CHSY3: variants seen among roughly 807,000 people sequenced by gnomAD.
The protein encoded by CHSY3 is chondroitin sulfate synthase 3.
CHSY3 carries 35 observed loss-of-function variants against 67.2 expected under a neutral mutation model. That is an observed-to-expected ratio of 0.52 (90% CI 0.40 to 0.69). The LOEUF is 0.69. Ranked by LOEUF, CHSY3 falls within the 30% of genes least tolerant of loss-of-function variation. The probability of loss-of-function intolerance (pLI) is 0.00; values close to 1 mark genes in which losing one functional copy is unlikely to be tolerated. For synonymous variants in CHSY3, 474 were observed against 434.7 expected (o/e 1.09, Z -1.12); for missense variants, 1,069 against 1,138.5 (o/e 0.94, Z 0.88).
At chr5:129,936,877 A>C (rs1761509948) in intron 2 of CHSY3, among the ~76,000 whole-genome samples, 1 of 152,150 alleles carries the variant, frequency 6.6e-6, no homozygotes, top group African/African-American at 2.4e-5. Context: ...CTTTTCTGAC[A>C]CTGTGGTGCT....
intron 2 of CHSY3, among the ~76,000 whole-genome samples, chr5:129,951,604 T>C (rs1004190633): frequency 2.0e-5 from 3 of 152,160 alleles, no homozygotes; most frequent in Non-Finnish European, 4.4e-5. Flanking sequence ...ATTCTGCCTG[T>C]AAAATCACAT....
chr5:130,039,335 A>T (rs1010751144), intron 2 of CHSY3, among the ~76,000 whole-genome samples: 5 of 151,906 alleles, frequency 3.3e-5, no homozygotes, highest in African/African-American at 1.2e-4. Context: ...AAAAATAAGA[A>T]TAAAAATGTA....
intron 2 of CHSY3, among the ~76,000 whole-genome samples, chr5:130,093,933 A>T (rs1172451291): frequency 6.6e-6 from 1 of 152,132 alleles, no homozygotes; most frequent in Non-Finnish European, 1.5e-5. Context: ...TTCTCTTAAC[A>T]TTCTGGTGAT....
At chr5:129,991,368 G>A (rs1195825532) in intron 2 of CHSY3, among the ~76,000 whole-genome samples, 1 of 152,120 alleles carries the variant, frequency 6.6e-6, no homozygotes, top group Non-Finnish European at 1.5e-5. Flanking sequence ...GGAAATGAGA[G>A]TGAAGATATA....
intron 2 of CHSY3, among the ~76,000 whole-genome samples, chr5:130,058,302 A>T (rs754971498): frequency 6.6e-6 from 1 of 152,202 alleles, no homozygotes; most frequent in Admixed American, 6.5e-5. Flanking sequence ...ACAAGGAAAG[A>T]TGATATCATA....
chr5:130,013,787 C>T (rs1461089320), intron 2 of CHSY3, among the ~76,000 whole-genome samples: 2 of 152,156 alleles, frequency 1.3e-5, no homozygotes, highest in African/African-American at 2.4e-5. Context: ...AGATGTTTTC[C>T]CCATTGTCTT....
At chr5:130,065,368 C>T (rs1162070122) in intron 2 of CHSY3, among the ~76,000 whole-genome samples, 2 of 144,900 alleles carry the variant, frequency 1.4e-5, no homozygotes, top group African/African-American at 2.5e-5. Context: ...AAATTAAAAA[C>T]AAAACAAAAC....
rs1760173687 is a variant in CHSY3, at chr5:129,904,819, G to A, written c.-11G>A. The A allele has an allele frequency of 7.1e-7, 1 of 1,398,682 alleles. No individual in the cohort carries two copies. Among genetic ancestry groups the A allele is most frequent in the Non-Finnish European group, 9.3e-7 (1 of 1,074,098 alleles). The allele number at this position is 1,398,682 out of a possible 1,614,324, so 86.6% of individuals were successfully genotyped here. A position where few individuals can be genotyped will look rare whatever the true frequency, so the allele number is the denominator to read the frequency against. The stretch of plus-strand genomic sequence containing the variant: ...ACAGCCCAGCGAGCGTCCGCGCCCG[G>A]GACAGCCGCGATGGCTGTGCGCTCT... On this transcript the variant is annotated 5_prime_UTR_variant, in exon 1 of 3. Coordinates refer to ENST00000305031, the MANE Select transcript of CHSY3 (RefSeq NM_175856.5).
intron 2 of CHSY3, among the ~76,000 whole-genome samples, chr5:129,994,997 T>G (rs1241125359): frequency 1.3e-5 from 2 of 152,052 alleles, no homozygotes; most frequent in African/African-American, 4.8e-5. Context: ...TGTATACCTA[T>G]GTAACTAACC....
intron 2 of CHSY3, chr5:130,001,441 T>G (rs778041217): frequency 4.5e-5 from 39 of 867,262 alleles, no homozygotes; most frequent in Non-Finnish European, 5.4e-5. Flanking sequence ...GATGAAGGTA[T>G]CACCATGGAC....
At chr5:130,148,454 CT>C (rs1198121317) in intron 2 of CHSY3, among the ~76,000 whole-genome samples, 1 of 152,138 alleles carries the variant, frequency 6.6e-6, no homozygotes, top group Admixed American at 6.5e-5. Flanking sequence ...GCTTTCAGGT[CT>C]CTGATGAATC....
chr5:130,034,732 C>G (rs1446930616), intron 2 of CHSY3, among the ~76,000 whole-genome samples: 2 of 152,036 alleles, frequency 1.3e-5, no homozygotes, highest in South Asian at 2.1e-4. Context: ...ACAGGGAGCA[C>G]TGATGTGATG....
intron 2 of CHSY3, among the ~76,000 whole-genome samples, chr5:130,173,030 A>G (rs1472368758): frequency 2.6e-5 from 4 of 152,200 alleles, no homozygotes; most frequent in Non-Finnish European, 4.4e-5. Flanking sequence ...TGACAACCTA[A>G]ATTTATAACA....
chr5:130,112,479 G>A (rs1299542344), intron 2 of CHSY3, among the ~76,000 whole-genome samples: 2 of 152,036 alleles, frequency 1.3e-5, no homozygotes, highest in Non-Finnish European at 1.5e-5. Context: ...GCTTCTGCTG[G>A]TGGTCTGCTA....
At chr5:130,140,850 C>A (rs988069083) in intron 2 of CHSY3, 3 of 284,666 alleles carry the variant, frequency 1.1e-5, no homozygotes, top group Non-Finnish European at 1.7e-5. Context: ...ATTCTCTCTT[C>A]CAGCACCCAG....
At chr5:130,104,201 T>A (rs1057015545) in intron 2 of CHSY3, among the ~76,000 whole-genome samples, 15 of 151,780 alleles carry the variant, frequency 9.9e-5, no homozygotes, top group Non-Finnish European at 1.8e-4. Flanking sequence ...ACAAAAAAAA[T>A]TGATTATTCA....
At chr5:129,998,616 T>C (rs1763621143) in intron 2 of CHSY3, among the ~76,000 whole-genome samples, 1 of 152,140 alleles carries the variant, frequency 6.6e-6, no homozygotes, top group Non-Finnish European at 1.5e-5. Flanking sequence ...ATGAAGAATA[T>C]TGTTTATGAA....
At chr5:129,952,595 T>C (rs1000030013) in intron 2 of CHSY3, among the ~76,000 whole-genome samples, 1 of 152,220 alleles carries the variant, frequency 6.6e-6, no homozygotes, top group Admixed American at 6.5e-5. Context: ...AATGTCCATT[T>C]GATTCTTTAA....
intron 2 of CHSY3, among the ~76,000 whole-genome samples, chr5:129,954,614 G>A (rs906001552): frequency 6.6e-6 from 1 of 152,064 alleles, no homozygotes; most frequent in East Asian, 1.9e-4. Context: ...CTATCCATGA[G>A]CATGGAGTGT....
Sources: allele counts gnomAD v4.1 joint callset (sites outside exome capture counted in the v4.1 genomes callset), GRCh38; gene constraint gnomAD v4.1.1; transcripts MANE v1.5; gene names NCBI Gene and HGNC (gene_info 2026-07-23, HGNC 2026-07-21).